The following AHI1 variants were observed in gnomAD, a reference collection of about 807,000 sequenced individuals.
AHI1 encodes the protein jouberin.
In AHI1, 123 loss-of-function variants were observed where a neutral mutation model predicts 149.3. The observed-to-expected ratio is 0.82, with a 90% CI of 0.71 to 0.96. The LOEUF is 0.96. Ranked by LOEUF, AHI1 falls within the 40% of genes least tolerant of loss-of-function variation. The probability of loss-of-function intolerance (pLI) is 0.00; values close to 1 mark genes in which losing one functional copy is unlikely to be tolerated. For synonymous variants in AHI1, 475 were observed against 459.8 expected (o/e 1.03, Z -0.42); for missense variants, 1,439 against 1,422.7 (o/e 1.01, Z -0.18).
intron 27 of AHI1, among the ~76,000 whole-genome samples, chr6:135,297,689 A>T: frequency 6.6e-6 from 1 of 152,170 alleles, no homozygotes. Context: ...AATTGGGGGT[A>T]GGATGAGGAT....
At chr6:135,365,247 C>T (rs937087791) in intron 23 of AHI1, among the ~76,000 whole-genome samples, 1 of 152,180 alleles carries the variant, frequency 6.6e-6, no homozygotes, top group Non-Finnish European at 1.5e-5. Flanking sequence ...AATGTGATGC[C>T]TCCATATTTG....
intron 24 of AHI1, among the ~76,000 whole-genome samples, chr6:135,330,637 A>C (rs1788429736): frequency 6.6e-6 from 1 of 152,250 alleles, no homozygotes; most frequent in African/African-American, 2.4e-5. Context: ...ATGACTGTAC[A>C]GAATTGCTAC....
intron 20 of AHI1, among the ~76,000 whole-genome samples, chr6:135,422,627 G>A (rs1021709054): frequency 6.9e-5 from 10 of 144,766 alleles, no homozygotes; most frequent in African/African-American, 2.8e-4. Context: ...TTTTATGTAT[G>A]TATGTATGTA....
intron 24 of AHI1, among the ~76,000 whole-genome samples, chr6:135,346,072 A>G (rs1791152852): frequency 1.3e-5 from 2 of 152,370 alleles, no homozygotes; most frequent in African/African-American, 4.8e-5. Flanking sequence ...ATATTACACC[A>G]AAGTATTGCT....
chr6:135,379,871 C>T (rs891059447), intron 23 of AHI1, among the ~76,000 whole-genome samples: 8 of 148,310 alleles, frequency 5.4e-5, no homozygotes, highest in African/African-American at 2.1e-4. Flanking sequence ...AGCTTCCTTC[C>T]TTCCTAGCTT....
intron 20 of AHI1, among the ~76,000 whole-genome samples, chr6:135,423,419 C>CT (rs1448873005): frequency 6.6e-6 from 1 of 152,086 alleles, no homozygotes; most frequent in African/African-American, 2.4e-5. Flanking sequence ...CAGTGAGCAA[C>CT]TTAAATAACA....
rs114932145 is a variant in AHI1 at position 135,402,073 on chromosome 6, C to T, written c.2988+2878G>A. Among the ~76,000 whole-genome samples the T allele has an allele frequency of 1.6e-3, 250 of 152,092 alleles. 2 individuals carry two copies. The highest frequency in any genetic ancestry group is 5.1e-3 in the African/African-American group (212 of 41,522). ...AAAAGTACAAATGGCATATAAAAAA[C>T]GCTCAACATCATTAGTCATAAAGAA... On this transcript the variant is annotated intron_variant, in intron 22 of 28. Transcript: ENST00000265602.
intron 8 of AHI1, among the ~76,000 whole-genome samples, chr6:135,462,849 C>T (rs1425815577): frequency 3.3e-5 from 5 of 151,762 alleles, no homozygotes; most frequent in African/African-American, 7.3e-5. Flanking sequence ...TGCAATGAGC[C>T]GAGATCGTGC....
chr6:135,403,979 A>G (rs1174797384), intron 22 of AHI1, among the ~76,000 whole-genome samples: 1 of 151,852 alleles, frequency 6.6e-6, no homozygotes, highest in Non-Finnish European at 1.5e-5. Flanking sequence ...AGCCTATTGC[A>G]TTCCAAGTGC....
intron 24 of AHI1, among the ~76,000 whole-genome samples, chr6:135,343,310 C>T (rs1790661618): frequency 6.6e-6 from 1 of 151,778 alleles, no homozygotes; most frequent in Non-Finnish European, 1.5e-5. Flanking sequence ...TGCTAAAAGA[C>T]TGGGAAGACT....
Position 135,457,649 on chromosome 6 carries a change from C to A in AHI1, c.996G>T (p.Pro332=). The change falls in exon 9 of 29, where the codon CCG becomes CCT. Residue 332 remains proline (P), a synonymous_variant. Transcript: ENST00000265602. ...GVHEITSRDS[P]VYPKCLLDDD... The stretch of plus-strand genomic sequence containing the variant: ...CATCAAGCAAACATTTGGGATAAAC[C>A]GGGCTATCTCGGCTTGTTATTTCAT... 2 of 1,613,856 alleles carry A rather than the reference C, an allele frequency of 1.2e-6. No homozygotes were observed. The highest frequency in any genetic ancestry group is 1.1e-5 in the South Asian group (1 of 91,080).
chr6:135,334,430 G>C (rs1217104361), intron 24 of AHI1, among the ~76,000 whole-genome samples: 1 of 152,112 alleles, frequency 6.6e-6, no homozygotes, highest in African/African-American at 2.4e-5. Context: ...AGTCCCTTGA[G>C]CTTGGACTTC....
intron 5 of AHI1, among the ~76,000 whole-genome samples, chr6:135,468,915 T>A (rs1047057582): frequency 6.6e-6 from 1 of 152,136 alleles, no homozygotes; most frequent in Admixed American, 6.5e-5. Context: ...ACAGCTGAAT[T>A]CTACCAGAGG....
At chr6:135,357,089 C>T (rs923354118) in intron 24 of AHI1, among the ~76,000 whole-genome samples, 29 of 152,292 alleles carry the variant, frequency 1.9e-4, no homozygotes, top group African/African-American at 7.0e-4. Flanking sequence ...CAGGCATGCA[C>T]CACCATGCCC....
chr6:135,302,761 A>T (rs1395091185), intron 26 of AHI1: 4 of 1,288,054 alleles, frequency 3.1e-6, no homozygotes, highest in Non-Finnish European at 4.0e-6. Flanking sequence ...TTACTCATGG[A>T]GGCAGAAGCA....
intron 27 of AHI1, among the ~76,000 whole-genome samples, chr6:135,295,884 A>G (rs1456047151): frequency 6.6e-6 from 1 of 151,944 alleles, no homozygotes; most frequent in Non-Finnish European, 1.5e-5. Flanking sequence ...ATGGAGTCTC[A>G]CTCTGTCTCC....
chr6:135,362,715 T>C (rs551686700), intron 23 of AHI1, among the ~76,000 whole-genome samples: 3 of 148,536 alleles, frequency 2.0e-5, no homozygotes, highest in African/African-American at 7.3e-5. Context: ...TGTGATGGGA[T>C]TTTTTTTTTC....
At chr6:135,465,708 A>G in intron 7 of AHI1, 106 bp downstream of exon 7, 5 of 959,158 alleles carry the variant, frequency 5.2e-6, no homozygotes, top group Non-Finnish European at 7.2e-6. Context: ...ATGTCTCCAA[A>G]TAAAAGCGTA....
rs185218815 is a variant in AHI1 at position 135,407,591 on chromosome 6, A to C, written c.2962-2614T>G. On this transcript the variant is annotated intron_variant, in intron 21 of 28. Transcript: ENST00000265602. Reference sequence around the variant, plus strand: ...TCTATCTACCTCAATACCAAAGCAGACATATTCTCTAAATAATTTTAAAAA... The same window carrying C: ...TCTATCTACCTCAATACCAAAGCAGCCATATTCTCTAAATAATTTTAAAAA... Among the ~76,000 whole-genome samples, 261 of 152,360 alleles carry C rather than the reference A, an allele frequency of 1.7e-3. 1 individual carries two copies. The highest frequency in any genetic ancestry group is 5.9e-3 in the African/African-American group (245 of 41,580).
Sources: allele counts gnomAD v4.1 joint callset (sites outside exome capture counted in the v4.1 genomes callset), GRCh38; gene constraint gnomAD v4.1.1; transcripts MANE v1.5; gene names NCBI Gene and HGNC (gene_info 2026-07-23, HGNC 2026-07-21).